Variants in SGCD observed in about 807,000 individuals in gnomAD.
SGCD encodes the protein delta-sarcoglycan.
A neutral mutation model predicts 36.6 loss-of-function variants in SGCD; 18 were observed. The ratio of observed to expected loss-of-function variants is 0.49; its 90% CI spans 0.34 to 0.73. The LOEUF (loss-of-function observed/expected upper bound fraction) is 0.73. SGCD is among the 30% of genes least tolerant of loss of function. The probability of loss-of-function intolerance (pLI) is 0.01; values close to 1 mark genes in which losing one functional copy is unlikely to be tolerated. For missense variants in SGCD, 387 were observed against 346.7 expected (o/e 1.12, Z -0.92); for synonymous variants, 133 against 130.6 (o/e 1.02, Z -0.12).
chr5:156,034,734 C>G (rs1455685467), intron 1 of SGCD, among the ~76,000 whole-genome samples: 1 of 152,168 alleles, frequency 6.6e-6, no homozygotes, highest in Non-Finnish European at 1.5e-5. Flanking sequence ...CATTAAGAAA[C>G]TGTTCAAGAT....
intron 1 of SGCD, among the ~76,000 whole-genome samples, chr5:156,094,779 G>A (rs1252377269): frequency 6.6e-6 from 1 of 152,132 alleles, no homozygotes; most frequent in African/African-American, 2.4e-5. Context: ...GAGGCGGGCA[G>A]ATCATGAGGT....
chr5:156,594,889 C>A (rs750944723), intron 5 of SGCD, 43 bp from the exon 6 acceptor site: 31 of 1,293,490 alleles, frequency 2.4e-5, no homozygotes, highest in African/African-American at 5.8e-5. Context: ...CTCTCTCTCT[C>A]TCCTCTCTCC....
intron 1 of SGCD, among the ~76,000 whole-genome samples, chr5:155,978,190 G>A (rs1758159025): frequency 6.6e-6 from 1 of 152,174 alleles, no homozygotes; most frequent in African/African-American, 2.4e-5. Context: ...TGTATTTGGG[G>A]TTCCAATTAT....
chr5:156,678,855 G>A lies in SGCD; in HGVS notation c.575+31319G>A, dbSNP rs1051000998. Among the ~76,000 whole-genome samples the A allele has an allele frequency of 1.3e-5, 2 of 152,246 alleles. 1 individual carries two copies. On this transcript the variant is annotated intron_variant, in intron 7 of 8. Coordinates refer to ENST00000337851, the MANE Select transcript of SGCD (RefSeq NM_000337.6). ...TTAATTAGGGTGGGAGACAGACACC[G>A]AAGCATTTTCCACACCTGAGAAACC...
chr5:155,906,727 G>T (rs1460405319), intron 1 of SGCD, among the ~76,000 whole-genome samples: 1 of 152,058 alleles, frequency 6.6e-6, no homozygotes, highest in African/African-American at 2.4e-5. Flanking sequence ...GCAGATGTTG[G>T]TTCATGAGGT....
chr5:156,396,975 G>A (rs1771889761), intron 3 of SGCD, among the ~76,000 whole-genome samples: 2 of 152,150 alleles, frequency 1.3e-5, no homozygotes, highest in Non-Finnish European at 1.5e-5. Context: ...AAACAAAGAC[G>A]ACTGGGGCAT....
chr5:156,452,941 A>G (rs777041494), intron 3 of SGCD, among the ~76,000 whole-genome samples: 1 of 152,166 alleles, frequency 6.6e-6, no homozygotes, highest in Non-Finnish European at 1.5e-5. Flanking sequence ...TTGAGCATAA[A>G]TTTACTATGA....
intron 3 of SGCD, among the ~76,000 whole-genome samples, chr5:156,216,425 A>G (rs924308181): frequency 3.9e-5 from 6 of 152,242 alleles, no homozygotes; most frequent in African/African-American, 1.4e-4. Flanking sequence ...GCTGTGCACA[A>G]TAAATACATG....
intron 1 of SGCD, among the ~76,000 whole-genome samples, chr5:155,917,130 T>C (rs1756761891): frequency 6.6e-6 from 1 of 152,214 alleles, no homozygotes. Flanking sequence ...CTTTCTCTTT[T>C]GACCCCCAGA....
intron 1 of SGCD, among the ~76,000 whole-genome samples, chr5:156,083,104 C>T (rs1473900082): frequency 6.6e-6 from 1 of 152,002 alleles, no homozygotes; most frequent in Non-Finnish European, 1.5e-5. Flanking sequence ...TGCCCATTCT[C>T]TAATTGAATT....
At chr5:155,988,998 G>A (rs1298784597) in intron 1 of SGCD, among the ~76,000 whole-genome samples, 1 of 152,160 alleles carries the variant, frequency 6.6e-6, no homozygotes, top group African/African-American at 2.4e-5. Context: ...AAAGATGTAA[G>A]AATATCAAGT....
At chr5:156,156,497 G>A (rs545933437) in intron 3 of SGCD, among the ~76,000 whole-genome samples, 7 of 151,596 alleles carry the variant, frequency 4.6e-5, no homozygotes, top group Non-Finnish European at 8.8e-5. Flanking sequence ...GGTGGCATGC[G>A]CCAGTAGTCC....
intron 3 of SGCD, among the ~76,000 whole-genome samples, chr5:156,291,371 T>C (rs1167926526): frequency 1.3e-5 from 2 of 152,156 alleles, no homozygotes; most frequent in East Asian, 3.9e-4. Context: ...CCCATAAATA[T>C]GTAAAATATG....
intron 3 of SGCD, chr5:156,458,397 C>A: frequency 6.3e-7 from 1 of 1,576,130 alleles, no homozygotes; most frequent in Non-Finnish European, 8.7e-7. Context: ...GGAAAACTTA[C>A]TGTTGATGTG....
chr5:156,621,456 G>A (rs562775851), intron 6 of SGCD, among the ~76,000 whole-genome samples: 1 of 152,274 alleles, frequency 6.6e-6, no homozygotes, highest in African/African-American at 2.4e-5. Flanking sequence ...CTCTCAAAGT[G>A]CTGGGATTAC....
chr5:156,145,726 T>C (rs1392319162), intron 3 of SGCD, among the ~76,000 whole-genome samples: 4 of 152,110 alleles, frequency 2.6e-5, no homozygotes, highest in Non-Finnish European at 5.9e-5. Flanking sequence ...AAGCACTTAC[T>C]ACCAATAAAG....
chr5:156,026,208 G>A (rs1398499619), intron 1 of SGCD, among the ~76,000 whole-genome samples: 1 of 152,134 alleles, frequency 6.6e-6, no homozygotes, highest in African/African-American at 2.4e-5. Flanking sequence ...CAAATATCAG[G>A]CAACATATTT....
chr5:155,943,674 C>T (rs557595459), intron 1 of SGCD, among the ~76,000 whole-genome samples: 1 of 152,224 alleles, frequency 6.6e-6, no homozygotes, highest in Admixed American at 6.5e-5. Context: ...ATGTCAGTAA[C>T]AAATAGTCAT....
intron 1 of SGCD, among the ~76,000 whole-genome samples, chr5:155,885,144 G>A (rs1479192528): frequency 8.6e-6 from 1 of 116,738 alleles, no homozygotes; most frequent in Non-Finnish European, 1.6e-5. Context: ...GTCTATTTGG[G>A]TAGATGGTAT....
Sources: gnomAD v4.1 joint callset for allele counts (sites outside exome capture counted in the v4.1 genomes callset) on GRCh38, gnomAD v4.1.1 for gene constraint, MANE v1.5 for transcripts, NCBI Gene and HGNC (gene_info 2026-07-23, HGNC 2026-07-21) for gene names.